ASIC2: variants seen among roughly 807,000 people sequenced by gnomAD.
The protein encoded by ASIC2 is acid sensing ion channel subunit 2.
Under a neutral mutation model 57.3 loss-of-function variants are expected in ASIC2, and 25 were observed. The observed-to-expected ratio is 0.44, with a 90% CI of 0.32 to 0.61. The LOEUF is 0.61. ASIC2 is among the 20% of genes least tolerant of loss of function. ASIC2 has a pLI of 0.06. For missense variants in ASIC2, 641 were observed against 738.1 expected (o/e 0.87, Z 1.52); for synonymous variants, 319 against 307.5 (o/e 1.04, Z -0.39).
At chr17:33,579,620 G>C (rs1350018631) in intron 1 of ASIC2, among the ~76,000 whole-genome samples, 4 of 152,112 alleles carry the variant, frequency 2.6e-5, no homozygotes, top group African/African-American at 7.2e-5. Context: ...GTTCCTTCAG[G>C]TGTTCAGCTG....
chr17:34,143,746 A>C (rs992028929), intron 1 of ASIC2, among the ~76,000 whole-genome samples: 2 of 152,120 alleles, frequency 1.3e-5, no homozygotes, highest in Non-Finnish European at 2.9e-5. Flanking sequence ...TGGGCTTAGG[A>C]TCTTATAGTC....
chr17:34,129,766 C>T lies in ASIC2; in HGVS notation c.555+26212G>A, dbSNP rs531334562. Among the ~76,000 whole-genome samples the T allele has an allele frequency of 7.9e-5, 12 of 152,350 alleles. 1 individual carries two copies. The South Asian group carries it at 2.1e-3, about 26-fold the overall frequency. ...AATGGAATACCTAAAACAGGGCATA[C>T]TAGTAGCTGCTTCCAATCTTCTTGG... On this transcript the variant is annotated intron_variant, in intron 1 of 9. Coordinates refer to the ASIC2 transcript ENST00000359872.
chr17:33,455,676 C>T (rs868588837), intron 1 of ASIC2, among the ~76,000 whole-genome samples: 5 of 152,110 alleles, frequency 3.3e-5, no homozygotes, highest in South Asian at 4.1e-4. Flanking sequence ...CTAACTTATG[C>T]CTGTGAGTTT....
At chr17:33,856,296 G>A (rs1913926674) in intron 1 of ASIC2, among the ~76,000 whole-genome samples, 1 of 152,182 alleles carries the variant, frequency 6.6e-6, no homozygotes, top group Non-Finnish European at 1.5e-5. Context: ...TAAAAATGTA[G>A]AAAGCATTTA....
At chr17:34,065,617 G>A (rs569407866) in intron 1 of ASIC2, among the ~76,000 whole-genome samples, 2 of 152,210 alleles carry the variant, frequency 1.3e-5, no homozygotes, top group South Asian at 4.1e-4. Context: ...ACCGCTGAGG[G>A]GTTGTTATTA....
chr17:33,732,600 C>T (rs1206062550), intron 1 of ASIC2, among the ~76,000 whole-genome samples: 1 of 151,388 alleles, frequency 6.6e-6, no homozygotes, highest in African/African-American at 2.4e-5. Context: ...CGGATTCATG[C>T]CATTCTCCTG....
intron 3 of ASIC2, among the ~76,000 whole-genome samples, chr17:33,080,016 C>T (rs1247516475): frequency 3.9e-5 from 6 of 151,928 alleles, no homozygotes; most frequent in East Asian, 1.9e-4. Flanking sequence ...GGACTCTAAG[C>T]GAGGAGTTCA....
intron 3 of ASIC2, among the ~76,000 whole-genome samples, chr17:33,063,290 T>C (rs2092028628): frequency 6.6e-6 from 1 of 152,252 alleles, no homozygotes; most frequent in Non-Finnish European, 1.5e-5. Flanking sequence ...GTTTTTGCAG[T>C]GGCTGGTACC....
At chr17:34,042,429 C>G (rs772765820) in intron 1 of ASIC2, among the ~76,000 whole-genome samples, 2 of 151,736 alleles carry the variant, frequency 1.3e-5, no homozygotes, top group African/African-American at 4.8e-5. Context: ...GTAATTATCC[C>G]GAGTAAAAGA....
At chr17:33,501,486 G>T (rs939128806) in intron 1 of ASIC2, among the ~76,000 whole-genome samples, 1 of 152,176 alleles carries the variant, frequency 6.6e-6, no homozygotes, top group African/African-American at 2.4e-5. Flanking sequence ...AAAACAACTC[G>T]CTTGAAGTCA....
intron 1 of ASIC2, among the ~76,000 whole-genome samples, chr17:33,898,218 A>ATTTTTT (rs1242866465): frequency 2.5e-4 from 17 of 67,816 alleles, no homozygotes; most frequent in Non-Finnish European, 3.9e-4. Flanking sequence ...TTCATGTATA[A>ATTTTTT]TCTTTTTTTT....
intron 1 of ASIC2, among the ~76,000 whole-genome samples, chr17:33,306,549 A>C (rs895254991): frequency 1.3e-5 from 2 of 152,106 alleles, no homozygotes; most frequent in Non-Finnish European, 2.9e-5. Context: ...CTAAGCCCTC[A>C]CTTCTCCCAC....
chr17:33,671,059 C>T (rs1241328155), intron 1 of ASIC2, among the ~76,000 whole-genome samples: 2 of 152,142 alleles, frequency 1.3e-5, no homozygotes, highest in African/African-American at 4.8e-5. Context: ...GCATGAGACC[C>T]GTCTGGCTTT....
intron 1 of ASIC2, among the ~76,000 whole-genome samples, chr17:33,611,921 T>C (rs1253796892): frequency 1.3e-5 from 2 of 152,294 alleles, no homozygotes; most frequent in East Asian, 3.9e-4. Flanking sequence ...AAGTCCAAGA[T>C]CTGCAGCCAG....
chr17:33,891,669 C>A (rs1329928008), intron 1 of ASIC2, among the ~76,000 whole-genome samples: 1 of 152,168 alleles, frequency 6.6e-6, no homozygotes, highest in African/African-American at 2.4e-5. Context: ...AAGCCCAGAG[C>A]CAAATTTACT....
At chr17:33,527,473 A>G (rs1215444033) in intron 1 of ASIC2, among the ~76,000 whole-genome samples, 1 of 152,154 alleles carries the variant, frequency 6.6e-6, no homozygotes, top group Non-Finnish European at 1.5e-5. Context: ...ATGAGGATTA[A>G]ATGAGATACA....
At chr17:33,106,287 T>TA (rs895954644) in intron 2 of ASIC2, among the ~76,000 whole-genome samples, 11 of 152,176 alleles carry the variant, frequency 7.2e-5, no homozygotes, top group African/African-American at 2.7e-4. Flanking sequence ...AGCATAGCTT[T>TA]AAAAAATCAT....
At chr17:33,936,695 C>A (rs1249617543) in intron 1 of ASIC2, 3 of 152,204 alleles carry the variant, frequency 2.0e-5, no homozygotes, top group African/African-American at 7.2e-5. Flanking sequence ...AACCAAGAGG[C>A]CTCTGAGTTC....
At chr17:33,023,286 G>C (rs1166823591) in intron 6 of ASIC2, among the ~76,000 whole-genome samples, 1 of 152,082 alleles carries the variant, frequency 6.6e-6, no homozygotes, top group East Asian at 1.9e-4. Context: ...AGGAGATCGA[G>C]ACCATTCTGG....
Sources: gnomAD v4.1 joint callset for allele counts (sites outside exome capture counted in the v4.1 genomes callset) on GRCh38, gnomAD v4.1.1 for gene constraint, MANE v1.5 for transcripts, NCBI Gene and HGNC (gene_info 2026-07-23, HGNC 2026-07-21) for gene names.